The following LMF1 variants were observed in gnomAD, a reference collection of about 807,000 sequenced individuals.
LMF1 encodes lipase maturation factor 1, also known as transmembrane protein 112.
Under a neutral mutation model 60.6 loss-of-function variants are expected in LMF1, and 68 were observed. That is an observed-to-expected ratio of 1.12 (90% CI 0.92 to 1.37). The LOEUF (loss-of-function observed/expected upper bound fraction) is 1.37. Among genes scored for constraint, LMF1 ranks in the 40% most tolerant of loss-of-function variants. The pLI is 0.00. For missense variants in LMF1, 948 were observed against 767.2 expected, an observed-to-expected ratio of 1.24 and a Z score of -2.78; for synonymous variants, 418 against 324.7, an observed-to-expected ratio of 1.29 and a Z score of -3.09.
chr16:911,665 G>T, intron 3 of LMF1, among the ~76,000 whole-genome samples: 1 of 101,284 alleles, frequency 9.9e-6, no homozygotes, highest in South Asian at 5.1e-4. Context: ...GCAGCACTGG[G>T]GGGGCAGCAC....
chr16:880,231 G>A (rs867793740), intron 5 of LMF1, among the ~76,000 whole-genome samples: 2 of 151,956 alleles, frequency 1.3e-5, no homozygotes, highest in African/African-American at 2.4e-5. Context: ...CCCGGGTCCC[G>A]AGCCCAGCTC....
chr16:870,327 C>T (rs923124470), intron 8 of LMF1, among the ~76,000 whole-genome samples: 1 of 152,236 alleles, frequency 6.6e-6, no homozygotes, highest in African/African-American at 2.4e-5. Context: ...CCCCATGCCC[C>T]TCGGCAGCTC....
intron 1 of LMF1, chr16:976,373 G>A (rs1978481): frequency 0.21 from 95,921 of 453,976 alleles, 11,699 homozygotes; most frequent in South Asian, 0.33. Context: ...GCGTCAGACA[G>A]CACCCTCCTG....
At position 949,617 on chromosome 16, in the gene LMF1, G is replaced by C. The variant is rs1165615569; in HGVS notation, c.503+4740C>G. ...AGAGACGACAGAGTCAGAGACGACA[G>C]AGTCAGAGCCAATGACAGAGTCAGC... On this transcript the variant is annotated intron_variant, in intron 2 of 10. Coordinates refer to ENST00000262301, the MANE Select transcript of LMF1 (RefSeq NM_022773.4). Among the ~76,000 whole-genome samples, 54 of 121,476 alleles carry C rather than the reference G, an allele frequency of 4.4e-4. 1 individual carries two copies. Among genetic ancestry groups the C allele is most frequent in the African/African-American group, 2.0e-3 (50 of 24,682 alleles). The allele number at this position is 121,476 out of a possible 152,430, so 79.7% of individuals were successfully genotyped here.
chr16:887,865 C>G (rs765542198), intron 5 of LMF1, among the ~76,000 whole-genome samples: 1 of 152,160 alleles, frequency 6.6e-6, no homozygotes, highest in South Asian at 2.1e-4. Context: ...GTGTGGGAGC[C>G]CAGAGACGCA....
chr16:900,252 T>C (rs1424427329), intron 4 of LMF1: 1 of 152,234 alleles, frequency 6.6e-6, no homozygotes, highest in African/African-American at 2.4e-5. Flanking sequence ...CTTTGCTCGA[T>C]TCTGACCCCA....
At chr16:969,949 T>C (rs2073006168) in intron 1 of LMF1, among the ~76,000 whole-genome samples, 2 of 151,474 alleles carry the variant, frequency 1.3e-5, no homozygotes, top group South Asian at 4.2e-4. Context: ...GATCCAGAGG[T>C]TTTGAGCGTG....
At chr16:876,004 C>A (rs1160983795) in intron 6 of LMF1, among the ~76,000 whole-genome samples, 1 of 152,106 alleles carries the variant, frequency 6.6e-6, no homozygotes, top group Non-Finnish European at 1.5e-5. Flanking sequence ...GGACACCCCT[C>A]CCTGGGTGGC....
At chr16:886,159 T>C (rs1596904930) in intron 5 of LMF1, among the ~76,000 whole-genome samples, 2 of 152,142 alleles carry the variant, frequency 1.3e-5, no homozygotes, top group Non-Finnish European at 2.9e-5. Flanking sequence ...AGTTTAAAGC[T>C]GGAAAGACAG....
intron 10 of LMF1, among the ~76,000 whole-genome samples, chr16:859,544 A>G (rs2069365368): frequency 9.2e-4 from 1 of 1,088 alleles, no homozygotes; most frequent in Non-Finnish European, 1.9e-3. Context: ...GTGTCTCGGG[A>G]CGGGTGTGCA....
At chr16:980,113 C>A (rs2073303254) in intron 1 of LMF1, 1 of 284,340 alleles carries the variant, frequency 3.5e-6, no homozygotes, top group Non-Finnish European at 6.9e-6. Context: ...CTCCCCACCG[C>A]TGCTTCCTCT....
chr16:976,647 C>T (rs907277316), intron 1 of LMF1: 7 of 453,962 alleles, frequency 1.5e-5, no homozygotes, highest in Admixed American at 1.2e-4. Context: ...TGGCGCCCCC[C>T]ACCCCCACAC....
intron 3 of LMF1, among the ~76,000 whole-genome samples, chr16:922,728 C>T (rs1163046198): frequency 1.7e-5 from 2 of 115,488 alleles, no homozygotes; most frequent in East Asian, 2.9e-4. Context: ...CCTGGGTTTT[C>T]GGGTGTGATG....
upstream of LMF1, chr16:975,894 G>A (rs1325663828): frequency 2.2e-6 from 1 of 451,796 alleles, no homozygotes; most frequent in Non-Finnish European, 4.4e-6. Context: ...TTTGTGGCAT[G>A]CTTATTTCAA....
chr16:912,255 G>C (rs2071144348), intron 3 of LMF1, among the ~76,000 whole-genome samples: 1 of 152,102 alleles, frequency 6.6e-6, no homozygotes, highest in South Asian at 2.1e-4. Context: ...ACACCACAGA[G>C]CAGATGGGAG....
At chr16:944,199 A>C (rs2072180387) in intron 2 of LMF1, among the ~76,000 whole-genome samples, 1 of 151,882 alleles carries the variant, frequency 6.6e-6, no homozygotes, top group African/African-American at 2.4e-5. Context: ...CCCAGCCAGC[A>C]CTGTGGGACC....
At chr16:950,291 G>A (rs1444785452) in intron 2 of LMF1, among the ~76,000 whole-genome samples, 2 of 108,722 alleles carry the variant, frequency 1.8e-5, no homozygotes, top group African/African-American at 5.1e-5. Flanking sequence ...CAGAGACAAT[G>A]ACAAAGTCAG....
At chr16:891,629 C>T (rs1375708129) in intron 5 of LMF1, among the ~76,000 whole-genome samples, 1 of 59,472 alleles carries the variant, frequency 1.7e-5, no homozygotes, top group Non-Finnish European at 2.9e-5. Flanking sequence ...AGACACGGGA[C>T]CCCCCCACCA....
intron 2 of LMF1, among the ~76,000 whole-genome samples, chr16:954,062 G>GCTTCCTACACGTTCACACAGACACAC (rs1567312834): frequency 9.0e-6 from 1 of 110,748 alleles, no homozygotes; most frequent in African/African-American, 4.1e-5. Flanking sequence ...CACAGACACA[G>GCTTCCTACACGTTCACACAGACACAC]ACCCACTGCT....
Sources: allele counts gnomAD v4.1 joint callset (sites outside exome capture counted in the v4.1 genomes callset), GRCh38; gene constraint gnomAD v4.1.1; transcripts MANE v1.5; gene names NCBI Gene and HGNC (gene_info 2026-07-23, HGNC 2026-07-21).